HMCN1: variants seen among roughly 807,000 people sequenced by gnomAD.
HMCN1 encodes hemicentin 1.
HMCN1 carries 321 observed loss-of-function variants against 625.9 expected under a neutral mutation model. The observed-to-expected ratio is 0.51, with a 90% CI of 0.47 to 0.56. The LOEUF (loss-of-function observed/expected upper bound fraction) is 0.56. Among genes scored for constraint, HMCN1 ranks in the 20% least tolerant of loss-of-function variants. HMCN1 has a pLI of 0.00. For synonymous variants in HMCN1, 2,425 were observed against 2,417.6 expected, an observed-to-expected ratio of 1.00 and a Z score of -0.09; for missense variants, 6,588 against 6,887.3, an observed-to-expected ratio of 0.96 and a Z score of 1.54.
intron 55 of HMCN1, among the ~76,000 whole-genome samples, chr1:186,079,385 G>A (rs1659030439): frequency 6.6e-6 from 1 of 152,146 alleles, no homozygotes; most frequent in East Asian, 1.9e-4. Context: ...TCTCTCTCTG[G>A]GCACACGCAA....
At chr1:185,802,436 T>C (rs1557980713) in intron 1 of HMCN1, among the ~76,000 whole-genome samples, 1 of 152,168 alleles carries the variant, frequency 6.6e-6, no homozygotes. Context: ...CCCATTGGCA[T>C]GGATGAAATC....
intron 11 of HMCN1, among the ~76,000 whole-genome samples, chr1:185,950,383 C>G (rs1375054038): frequency 6.6e-6 from 1 of 151,654 alleles, no homozygotes; most frequent in African/African-American, 2.4e-5. Context: ...AGCCGCTGCA[C>G]GCAGACATGA....
rs780055248 is a variant in HMCN1, at chr1:186,048,835, T to C, written c.6573T>C (p.Ile2191=). Residue 2191 remains isoleucine (I), a synonymous_variant, in exon 42 of 107, where the codon ATT becomes ATC. Coordinates refer to ENST00000271588, the MANE Select transcript of HMCN1 (RefSeq NM_031935.3). ...GKTEKNYNVN[I]WVPPNIGGSD... is the part of the protein sequence containing the mutation. ...CTGAAAAAAACTACAATGTCAACAT[T>C]TGGGGTAAGTGTAATCAGCTCTTGA... 1 of 1,597,224 alleles carries C rather than the reference T, an allele frequency of 6.3e-7. No homozygotes were observed. Among genetic ancestry groups the C allele is most frequent in the East Asian group, 2.2e-5 (1 of 44,672 alleles).
At chr1:185,881,434 G>A (rs1175697288) in intron 4 of HMCN1, among the ~76,000 whole-genome samples, 8 of 152,224 alleles carry the variant, frequency 5.3e-5, no homozygotes, top group South Asian at 4.2e-4. Context: ...GCTCTCTGAC[G>A]TCCAGGCATA....
chr1:186,020,237 T>TGATAGAAAGATA (rs1654632008), intron 35 of HMCN1, among the ~76,000 whole-genome samples: 1 of 149,858 alleles, frequency 6.7e-6, no homozygotes, highest in Non-Finnish European at 1.5e-5. Flanking sequence ...AGTAGATTGA[T>TGATAGAAAGATA]GATAGATAGA....
chr1:186,161,467 T>G (rs887252520), intron 97 of HMCN1, among the ~76,000 whole-genome samples: 15 of 152,036 alleles, frequency 9.9e-5, no homozygotes, highest in Admixed American at 9.8e-4. Flanking sequence ...GTCATTATGA[T>G]GTTAGCTGGT....
intron 9 of HMCN1, 71 bp downstream of exon 9, chr1:185,925,262 G>C: frequency 1.4e-6 from 2 of 1,450,398 alleles, no homozygotes; most frequent in Non-Finnish European, 1.9e-6. Context: ...TATTATTGCA[G>C]TGTACTTTTT....
Position 186,074,835 on chromosome 1 carries a change from G to A in HMCN1, c.8234G>A (p.Cys2745Tyr). 1 of 1,613,098 alleles carries A rather than the reference G, an allele frequency of 6.2e-7. No individual in the cohort carries two copies. The highest frequency in any genetic ancestry group is 8.5e-7 in the Non-Finnish European group (1 of 1,179,338). Residue 2745 changes from cysteine to tyrosine, a missense_variant, in exon 53 of 107, where the codon TGT (cysteine) becomes TAT (tyrosine). By Grantham distance (194) the Cys-to-Tyr change is radical. Transcript: ENST00000271588. Reference protein sequence around the residue: ...AQISDTGRYTCVASNIAGEDE... With the variant: ...AQISDTGRYTYVASNIAGEDE... ...ATATCAGACACCGGACGATATACTT[G>A]TGTAGCATCTAACATTGCAGGTGAA...
At chr1:185,956,448 A>G (rs1649637762) in intron 11 of HMCN1, among the ~76,000 whole-genome samples, 1 of 152,200 alleles carries the variant, frequency 6.6e-6, no homozygotes, top group Non-Finnish European at 1.5e-5. Flanking sequence ...ACCCAGGGAC[A>G]CACTTTACTT....
At chr1:185,741,790 G>A (rs1012635075) in intron 1 of HMCN1, among the ~76,000 whole-genome samples, 6 of 152,210 alleles carry the variant, frequency 3.9e-5, no homozygotes, top group African/African-American at 9.6e-5. Context: ...ATAGTTTCAC[G>A]GAGGAGATGG....
intron 35 of HMCN1, among the ~76,000 whole-genome samples, chr1:186,021,453 A>G (rs1293618092): frequency 6.6e-6 from 1 of 152,122 alleles, no homozygotes; most frequent in East Asian, 1.9e-4. Flanking sequence ...TGGCACATTA[A>G]CAATATTTGA....
At position 186,190,750 on chromosome 1, in the gene HMCN1, C is replaced by T. The variant is rs746238036; in HGVS notation, c.*872C>T. 1.5e-4 allele frequency: 29 copies of T among 196,034 alleles called. No homozygotes were observed. Among genetic ancestry groups the T allele is most frequent in the Non-Finnish European group, 2.3e-4 (22 of 94,210 alleles). The allele number at this position is 196,034 out of a possible 1,614,324, so 12.1% of individuals were successfully genotyped here. On this transcript the variant is annotated 3_prime_UTR_variant, in exon 107 of 107. Transcript: ENST00000271588. ...TGTGTTCAAATTAACATAAATATTA[C>T]ACGTCAATACACTGTACATGGTGGT...
At chr1:185,923,729 A>T (rs1667114714) in intron 8 of HMCN1, 76 bp downstream of exon 8, 1 of 1,200,742 alleles carries the variant, frequency 8.3e-7, no homozygotes, top group South Asian at 1.2e-5. Context: ...TAAATAACGG[A>T]CTATCAAATA....
In HMCN1 at chr1:186,094,475, T is replaced by C; in HGVS notation, c.10294+102T>C. On this transcript the variant is annotated intron_variant, in intron 67 of 106. Coordinates refer to ENST00000271588, the MANE Select transcript of HMCN1 (RefSeq NM_031935.3). ...TCCTCAGAGATTTAGAAATCTGACT[T>C]TATCAAAAAGGATTAGTGAAATAGG... 4.7e-6 allele frequency: 4 copies of C among 853,924 alleles called. No individual in the cohort carries two copies. The South Asian group carries it at 5.7e-5, about 12-fold the overall frequency. 52.9% of individuals were successfully genotyped at this position (853,924 alleles called of 1,614,324 possible). A position where few individuals can be genotyped will look rare whatever the true frequency, so the allele number is the denominator to read the frequency against.
intron 12 of HMCN1, among the ~76,000 whole-genome samples, chr1:185,963,146 A>G (rs1018402090): frequency 1.3e-5 from 2 of 152,144 alleles, no homozygotes; most frequent in African/African-American, 2.4e-5. Flanking sequence ...GGTGCTTTTT[A>G]AAAGCATTGA....
chr1:186,073,802 A>G (rs1015054823), intron 52 of HMCN1, among the ~76,000 whole-genome samples: 9 of 151,978 alleles, frequency 5.9e-5, no homozygotes, highest in Non-Finnish European at 1.0e-4. Flanking sequence ...AAAAAAAAAA[A>G]CTTAAAGAAA....
intron 36 of HMCN1, among the ~76,000 whole-genome samples, chr1:186,023,526 A>T (rs743137): frequency 3.6e-4 from 54 of 152,036 alleles, no homozygotes; most frequent in Non-Finnish European, 3.7e-4. Context: ...AGAAGGATTT[A>T]GTGAGTAGAA....
chr1:185,838,529 G>T (rs1430812873), intron 1 of HMCN1, among the ~76,000 whole-genome samples: 3 of 152,128 alleles, frequency 2.0e-5, no homozygotes, highest in Non-Finnish European at 2.9e-5. Context: ...TACTGAGTTG[G>T]GCCTGGGCAT....
At chr1:185,825,525 T>C (rs149613558) in intron 1 of HMCN1, among the ~76,000 whole-genome samples, 116 of 152,302 alleles carry the variant, frequency 7.6e-4, no homozygotes, top group African/African-American at 2.4e-3. Context: ...AAAAAGTACA[T>C]GAAATAATGA....
Sources: gnomAD v4.1 joint callset for allele counts (sites outside exome capture counted in the v4.1 genomes callset) on GRCh38, gnomAD v4.1.1 for gene constraint, MANE v1.5 for transcripts, NCBI Gene and HGNC (gene_info 2026-07-23, HGNC 2026-07-21) for gene names.